CIST1: variants seen among roughly 807,000 people sequenced by gnomAD.
CIST1 encodes colon, intestine and stomach enriched 1, also known as uncharacterized LOC729966.
At chr19:18,251,706 G>GCCCCCGCCCCCGC in the CIST1 span, among the ~76,000 whole-genome samples, 1 of 35,486 alleles carries the variant, frequency 2.8e-5, no homozygotes, top group Non-Finnish European at 6.0e-5. Flanking sequence ...CCCGCCCTCG[G>GCCCCCGCCCCCGC]CCTCCCAAAG....
chr19:18,252,369 G>A, the CIST1 span: 23 of 399,098 alleles, frequency 5.8e-5, no homozygotes, highest in Non-Finnish European at 8.8e-5. Flanking sequence ...GCTGGAGTAG[G>A]ATTTGGGGGG....
chr19:18,251,457 CAG>C, the CIST1 span, among the ~76,000 whole-genome samples: 1 of 147,128 alleles, frequency 6.8e-6, no homozygotes, highest in African/African-American at 2.5e-5. Flanking sequence ...TTATTTGAGA[CAG>C]AGTCTTACTC....
the CIST1 span, among the ~76,000 whole-genome samples, chr19:18,251,522 C>T: frequency 6.6e-6 from 1 of 152,008 alleles, no homozygotes; most frequent in African/African-American, 2.4e-5. Context: ...GCAACCTCTG[C>T]CGCCTGGGTT....
At chr19:18,254,153 G>A in the CIST1 span, among the ~76,000 whole-genome samples, 1 of 152,198 alleles carries the variant, frequency 6.6e-6, no homozygotes, top group Admixed American at 6.5e-5. Context: ...GAGAAACTGA[G>A]GCTCAGAGTA....
At chr19:18,249,997 T>G in the CIST1 span, 1 of 397,658 alleles carries the variant, frequency 2.5e-6, no homozygotes, top group Admixed American at 4.4e-5. Context: ...GTTAATGTTT[T>G]CACACGAGTC....
the CIST1 span, chr19:18,252,525 G>A: frequency 2.5e-6 from 1 of 398,772 alleles, no homozygotes; most frequent in Non-Finnish European, 4.4e-6. Flanking sequence ...AGCACTTTGA[G>A]AGGTCAAGGT....
chr19:18,250,049 G>T, the CIST1 span: 1 of 398,702 alleles, frequency 2.5e-6, no homozygotes, highest in South Asian at 1.3e-4. Context: ...TGAATGGTAG[G>T]GGCTTTATTT....
chr19:18,255,415 C>G, the CIST1 span: 1 of 397,030 alleles, frequency 2.5e-6, no homozygotes, highest in Non-Finnish European at 4.4e-6. This position sits in a 1 kb window ranked among gnomAD's most constrained non-coding sequence, Gnocchi z 4.6. Context: ...TGGCGGAGCG[C>G]GGGGCTGTGC....
the CIST1 span, chr19:18,255,106 C>T: frequency 1.0e-5 from 4 of 393,642 alleles, no homozygotes; most frequent in Admixed American, 4.4e-5. The surrounding 1 kb of genome is among the most constrained non-coding windows in gnomAD (Gnocchi z 4.6). Flanking sequence ...GGAGGGTTGG[C>T]GGACCAGCGT....
the CIST1 span, chr19:18,252,071 A>AG: frequency 2.5e-6 from 1 of 398,846 alleles, no homozygotes; most frequent in Non-Finnish European, 4.4e-6. Context: ...CACCTGGGCC[A>AG]GGGGGCTCCA....
chr19:18,252,130 T>G, the CIST1 span: 128,971 of 398,388 alleles, frequency 0.32, 22,173 homozygotes, highest in African/African-American at 0.51. Flanking sequence ...CTGTGGGAAG[T>G]GGGGCTCCAG....
chr19:18,254,802 C>T, the CIST1 span, among the ~76,000 whole-genome samples: 3 of 152,354 alleles, frequency 2.0e-5, no homozygotes, highest in Admixed American at 1.3e-4. Flanking sequence ...TTAAGTCAGA[C>T]ACCCAGAAGA....
At chr19:18,252,602 CTCTT>C in the CIST1 span, 1 of 387,278 alleles carries the variant, frequency 2.6e-6, no homozygotes, top group East Asian at 3.6e-5. Context: ...CTCTCTCTCT[CTCTT>C]TCTCTCTCTC....
chr19:18,253,017 A>T, the CIST1 span, among the ~76,000 whole-genome samples: 1 of 152,100 alleles, frequency 6.6e-6, no homozygotes, highest in African/African-American at 2.4e-5. Context: ...TCCCACTCAA[A>T]TTCATGCTCC....
the CIST1 span, chr19:18,249,965 C>T: frequency 2.5e-6 from 1 of 396,150 alleles, no homozygotes; most frequent in Non-Finnish European, 4.4e-6. Context: ...CAGCACAGAG[C>T]CCAGCACATA....
the CIST1 span, chr19:18,251,959 C>A: frequency 1.1e-4 from 44 of 397,538 alleles, no homozygotes; most frequent in Middle Eastern, 6.2e-4. Context: ...GAAGCCCTTC[C>A]TAGAGCATTC....
At chr19:18,250,412 C>A in the CIST1 span, 1 of 399,152 alleles carries the variant, frequency 2.5e-6, no homozygotes, top group Non-Finnish European at 4.4e-6. Context: ...CACCAGCAAA[C>A]ACACGACCAC....
chr19:18,255,331 C>T, the CIST1 span: 1 of 394,972 alleles, frequency 2.5e-6, no homozygotes, highest in Non-Finnish European at 4.4e-6. The surrounding 1 kb of genome is among the most constrained non-coding windows in gnomAD (Gnocchi z 4.6). Flanking sequence ...GGGCCTGCCA[C>T]CGGCTCTGCA....
chr19:18,253,745 T>C, the CIST1 span, among the ~76,000 whole-genome samples: 1 of 152,094 alleles, frequency 6.6e-6, no homozygotes, highest in Non-Finnish European at 1.5e-5. Flanking sequence ...AACCCACCCT[T>C]CTACGTGTTG....
Sources: gnomAD v4.1 joint callset for allele counts (sites outside exome capture counted in the v4.1 genomes callset) on GRCh38, gnomAD v4.1.1 for gene constraint, Gnocchi (gnomAD v3.1) non-coding constraint, MANE v1.5 for transcripts, NCBI Gene and HGNC (gene_info 2026-07-23, HGNC 2026-07-21) for gene names.